The following CADPS2 variants were observed in gnomAD, a reference collection of about 807,000 sequenced individuals.
The protein encoded by CADPS2 is calcium-dependent secretion activator 2.
A neutral mutation model predicts 172.5 loss-of-function variants in CADPS2; 93 were observed. The observed-to-expected ratio is 0.54, with a 90% CI of 0.46 to 0.64. The LOEUF (loss-of-function observed/expected upper bound fraction) is 0.64. CADPS2 is among the 30% of genes least tolerant of loss of function. The pLI is 0.00. For synonymous variants in CADPS2, 546 were observed against 555.2 expected, an observed-to-expected ratio of 0.98 and a Z score of 0.23; for missense variants, 1,420 against 1,565.9, an observed-to-expected ratio of 0.91 and a Z score of 1.57.
At chr7:122,445,310 T>C (rs1011429028) in intron 15 of CADPS2, among the ~76,000 whole-genome samples, 2 of 152,156 alleles carry the variant, frequency 1.3e-5, no homozygotes, top group Non-Finnish European at 2.9e-5. Flanking sequence ...GACAACAATA[T>C]TGAGTCTTCT....
intron 1 of CADPS2, among the ~76,000 whole-genome samples, chr7:122,764,007 A>C (rs1041300455): frequency 4.6e-5 from 7 of 152,144 alleles, no homozygotes; most frequent in African/African-American, 1.7e-4. Flanking sequence ...AGATTTCCTC[A>C]TTTAGGCACA....
intron 17 of CADPS2, among the ~76,000 whole-genome samples, chr7:122,433,457 G>A (rs1337877892): frequency 6.1e-5 from 9 of 147,220 alleles, no homozygotes; most frequent in Middle Eastern, 3.6e-3. Flanking sequence ...AGGCTGGAGC[G>A]CAATGGCACC....
chr7:122,327,165 T>A (rs1441911389), intron 28 of CADPS2, among the ~76,000 whole-genome samples: 1 of 152,122 alleles, frequency 6.6e-6, no homozygotes, highest in Admixed American at 6.6e-5. Context: ...TTCAATACTT[T>A]AACTGGCACG....
At chr7:122,576,732 T>C (rs1350580760) in intron 7 of CADPS2, among the ~76,000 whole-genome samples, 1 of 151,910 alleles carries the variant, frequency 6.6e-6, no homozygotes, top group Non-Finnish European at 1.5e-5. Context: ...ATGGTTTCCC[T>C]GATCTGTTCT....
intron 3 of CADPS2, among the ~76,000 whole-genome samples, chr7:122,639,083 T>A (rs992336408): frequency 6.6e-6 from 1 of 152,176 alleles, no homozygotes; most frequent in Non-Finnish European, 1.5e-5. Flanking sequence ...TGGAAAAGCA[T>A]ACTTCCAAGC....
At chr7:122,768,335 C>A (rs1180341903) in intron 1 of CADPS2, among the ~76,000 whole-genome samples, 1 of 152,056 alleles carries the variant, frequency 6.6e-6, no homozygotes, top group Non-Finnish European at 1.5e-5. Context: ...GCAACAAAGT[C>A]ATATATAAAT....
chr7:122,509,551 T>A (rs2059868083), intron 9 of CADPS2, among the ~76,000 whole-genome samples: 1 of 152,188 alleles, frequency 6.6e-6, no homozygotes, highest in South Asian at 2.1e-4. Flanking sequence ...CCTGGCCATT[T>A]TTCCAATAGA....
In CADPS2 at chr7:122,761,033, G is replaced by C. The variant is rs543568663; in HGVS notation, c.340-23965C>G. On this transcript the variant is annotated intron_variant, in intron 1 of 29. Transcript: ENST00000449022. ...TTCTGGCACTGTATGGGTAAAAGCA[G>C]GGGTGGGAGGTGAACAAAATAGTCT... is the stretch of plus-strand genomic sequence containing the variant. 2.0e-5 allele frequency among the ~76,000 whole-genome samples: 3 copies of C among 152,276 alleles called. No homozygotes were observed. In the South Asian group the frequency reaches 6.2e-4, roughly 32 times the overall value.
chr7:122,579,450 A>AATAT (rs3034498), intron 7 of CADPS2, among the ~76,000 whole-genome samples: 2,732 of 128,562 alleles, frequency 0.021, 46 homozygotes, highest in Non-Finnish European at 0.024. Flanking sequence ...AATTGCATCG[A>AATAT]ATATATATAT....
intron 6 of CADPS2, among the ~76,000 whole-genome samples, chr7:122,599,109 A>G (rs1034649106): frequency 7.2e-5 from 11 of 152,124 alleles, no homozygotes; most frequent in African/African-American, 2.7e-4. Flanking sequence ...CTTCCCAGGA[A>G]TGGGACCTGC....
intron 14 of CADPS2, among the ~76,000 whole-genome samples, chr7:122,469,345 A>C (rs1463491724): frequency 1.3e-5 from 2 of 152,112 alleles, no homozygotes; most frequent in Non-Finnish European, 2.9e-5. Context: ...TGTTTGTTTC[A>C]CTGAAACCTT....
At chr7:122,705,810 G>T (rs1243164286) in intron 2 of CADPS2, among the ~76,000 whole-genome samples, 1 of 13,530 alleles carries the variant, frequency 7.4e-5, no homozygotes, top group Admixed American at 2.2e-3. Flanking sequence ...TAATATATAT[G>T]ATATATAATA....
intron 1 of CADPS2, among the ~76,000 whole-genome samples, chr7:122,821,072 A>G (rs916254262): frequency 5.3e-5 from 8 of 151,640 alleles, no homozygotes; most frequent in Non-Finnish European, 1.2e-4. Flanking sequence ...GTCTCCCACA[A>G]TTACTGTTGT....
intron 8 of CADPS2, among the ~76,000 whole-genome samples, chr7:122,539,571 A>AT (rs749957752): frequency 1.1e-4 from 16 of 152,110 alleles, no homozygotes; most frequent in Non-Finnish European, 1.9e-4. Flanking sequence ...AAATAACAGT[A>AT]TTCAATGCTC....
chr7:122,736,039 A>G (rs1369773361), intron 2 of CADPS2, among the ~76,000 whole-genome samples: 1 of 152,184 alleles, frequency 6.6e-6, no homozygotes, highest in Non-Finnish European at 1.5e-5. Context: ...TGTTATATAC[A>G]TATTTAGTCA....
intron 3 of CADPS2, among the ~76,000 whole-genome samples, chr7:122,659,349 T>C (rs1288163261): frequency 7.4e-6 from 1 of 135,330 alleles, no homozygotes; most frequent in Non-Finnish European, 1.6e-5. Context: ...AAATGAAGAA[T>C]GCCTTTGATA....
At chr7:122,614,716 A>C (rs1266339728) in intron 6 of CADPS2, among the ~76,000 whole-genome samples, 1 of 152,222 alleles carries the variant, frequency 6.6e-6, no homozygotes, top group African/African-American at 2.4e-5. Context: ...CGGTAGTCGT[A>C]CATTAACTGC....
intron 13 of CADPS2, among the ~76,000 whole-genome samples, chr7:122,472,615 C>G (rs767966572): frequency 1.6e-4 from 24 of 152,204 alleles, no homozygotes; most frequent in Non-Finnish European, 3.1e-4. Context: ...CACTGGCGGT[C>G]AACAACAAAA....
intron 8 of CADPS2, among the ~76,000 whole-genome samples, chr7:122,550,225 T>C (rs1276741892): frequency 1.3e-5 from 2 of 152,204 alleles, no homozygotes; most frequent in East Asian, 3.9e-4. Flanking sequence ...ATGAGCCCAA[T>C]GCCTTTTCTA....
Sources: allele counts gnomAD v4.1 joint callset (sites outside exome capture counted in the v4.1 genomes callset), GRCh38; gene constraint gnomAD v4.1.1; transcripts MANE v1.5; gene names NCBI Gene and HGNC (gene_info 2026-07-23, HGNC 2026-07-21).